Variants in CLEC3B observed in about 807,000 individuals in gnomAD.
CLEC3B encodes C-type lectin domain family 3 member B.
A neutral mutation model predicts 15.4 loss-of-function variants in CLEC3B; 13 were observed. The observed-to-expected ratio is 0.84, with a 90% CI of 0.55 to 1.34. The LOEUF (loss-of-function observed/expected upper bound fraction) is 1.34. CLEC3B is among the 40% of genes most tolerant of loss of function. The probability of loss-of-function intolerance (pLI) is 0.00; values close to 1 mark genes in which losing one functional copy is unlikely to be tolerated. For missense variants in CLEC3B, 242 were observed against 268.6 expected, an observed-to-expected ratio of 0.90 and a Z score of 0.69; for synonymous variants, 112 against 114.7, an observed-to-expected ratio of 0.98 and a Z score of 0.15.
chr3:45,030,730 G>A (rs1576043449), intron 1 of CLEC3B, 97 bp from the exon 2 acceptor site: 1 of 791,264 alleles, frequency 1.3e-6, no homozygotes, highest in Non-Finnish European at 2.1e-6. Context: ...AGATATCAAG[G>A]TTGAGGGGAG....
chr3:45,030,115 G>T, intron 1 of CLEC3B: 2 of 931,052 alleles, frequency 2.1e-6, no homozygotes, highest in Non-Finnish European at 2.6e-6. Context: ...GCATCACATG[G>T]GGTGACATGT....
At chr3:45,035,245 G>T (rs1456152804) in intron 2 of CLEC3B, among the ~76,000 whole-genome samples, 1 of 152,196 alleles carries the variant, frequency 6.6e-6, no homozygotes, top group Admixed American at 6.5e-5. Flanking sequence ...GTCAGCTGGG[G>T]CTGGGTGCTT....
Position 45,035,711 on chromosome 3 carries a change from G to C in CLEC3B, c.396G>C (p.Trp132Cys), listed in dbSNP as rs1468313006. ...RQSVGNEAEI[W>C]LGLNDMAAEG... ...GCGTGGGCAACGAGGCCGAGATCTG[G>C]CTGGGCCTCAACGACATGGCGGCCG... is the stretch of plus-strand genomic sequence containing the variant. Residue 132 changes from tryptophan to cysteine, a missense_variant, in exon 3 of 3, where the codon TGG becomes TGC. Trp to Cys is a radical substitution (Grantham distance 215, BLOSUM62 -2). Coordinates refer to ENST00000296130, the MANE Select transcript of CLEC3B (RefSeq NM_003278.3). 6.2e-7 allele frequency: 1 copy of C among 1,613,786 alleles called. No individual in the cohort carries two copies. Among genetic ancestry groups the C allele is most frequent in the East Asian group, 2.2e-5 (1 of 44,878 alleles).
intron 2 of CLEC3B, among the ~76,000 whole-genome samples, chr3:45,031,956 C>G (rs920864068): frequency 6.6e-6 from 1 of 151,686 alleles, no homozygotes. Context: ...CACGTTAACT[C>G]ATTCACAGCA....
In CLEC3B at chr3:45,035,949, G is replaced by T. The variant is rs762313426; in HGVS notation, c.*25G>T. 6 of 1,550,300 alleles carry T rather than the reference G, an allele frequency of 3.9e-6. No homozygotes were observed. The highest frequency in any genetic ancestry group is 4.4e-6 in the Non-Finnish European group (5 of 1,148,000). ...GCCGGCGGGGCGGGGGCCGTGGGGG[G>T]CCTGGAGGAGGGCAGGGGCCGCGGG... On this transcript the variant is annotated 3_prime_UTR_variant, in exon 3 of 3. Transcript: ENST00000296130.
In CLEC3B at chr3:45,035,918, C is replaced by A. The variant is rs1697638269; in HGVS notation, c.603C>A (p.Ile201=). 3.4e-6 allele frequency: 5 copies of A among 1,479,024 alleles called. No homozygotes were observed. Among genetic ancestry groups the A allele is most frequent in the South Asian group, 3.4e-5 (3 of 88,914 alleles). The allele number at this position is 1,479,024 out of a possible 1,614,324, so 91.6% of individuals were successfully genotyped here. The change falls in exon 3 of 3, where the codon ATC becomes ATA. Residue 201 remains isoleucine, a synonymous_variant. Coordinates refer to ENST00000296130, the MANE Select transcript of CLEC3B (RefSeq NM_003278.3). ...TGCCCTACATCTGCCAGTTCGGGATCGTGTAGCCGGCGGGGCGGGGGCCGT... is the reference window on the plus strand; with the variant it reads ...TGCCCTACATCTGCCAGTTCGGGATAGTGTAGCCGGCGGGGCGGGGGCCGT... ...DQLPYICQFG[I]V
At position 45,035,615 on chromosome 3, in the gene CLEC3B, G is replaced by A. The variant is rs748847581; in HGVS notation, c.300G>A (p.Ser100=). ...ACGAGGCCAGCGAGGACTGCATCTC[G>A]CGCGGGGGCACCCTGGGCACCCCTC... The part of the protein sequence containing the change: ...TFHEASEDCI[S]RGGTLGTPQT... The change falls in exon 3 of 3, where the codon TCG becomes TCA. Residue 100 remains serine, a synonymous_variant. Coordinates refer to ENST00000296130, the MANE Select transcript of CLEC3B (RefSeq NM_003278.3). 2.5e-6 allele frequency: 4 copies of A among 1,614,122 alleles called. No homozygotes were observed. Among genetic ancestry groups the A allele is most frequent in the Non-Finnish European group, 3.4e-6 (4 of 1,180,034 alleles).
chr3:45,031,811 ACAATACT>A (rs1171005287), intron 2 of CLEC3B, among the ~76,000 whole-genome samples: 76 of 151,526 alleles, frequency 5.0e-4, no homozygotes, highest in African/African-American at 1.8e-3. Flanking sequence ...ACACAGACTC[ACAATACT>A]GATGACTATT....
rs1697633593 is a variant in CLEC3B, at chr3:45,035,748, G to A, written c.433G>A (p.Val145Met). 1 of 1,613,666 alleles carries A rather than the reference G, an allele frequency of 6.2e-7. No homozygotes were observed. Among genetic ancestry groups the A allele is most frequent in the African/African-American group, 1.3e-5 (1 of 74,958 alleles). ...LNDMAAEGTW[V>M]DMTGARIAYK... ...CGACATGGCGGCCGAGGGCACCTGGGTGGACATGACCGGCGCCCGCATCGC... is the reference window on the plus strand; with the variant it reads ...CGACATGGCGGCCGAGGGCACCTGGATGGACATGACCGGCGCCCGCATCGC... Residue 145 changes from valine to methionine, a missense_variant, in exon 3 of 3, where the codon GTG becomes ATG. Physicochemically the swap from Val to Met is conservative, Grantham distance 21. Transcript: ENST00000296130.
intron 2 of CLEC3B, among the ~76,000 whole-genome samples, chr3:45,033,097 C>T (rs931517645): frequency 1.3e-5 from 2 of 152,158 alleles, no homozygotes; most frequent in Admixed American, 1.3e-4. Flanking sequence ...CCTGGCACAG[C>T]GGGTATGTTT....
At position 45,035,860 on chromosome 3, in the gene CLEC3B, G is replaced by T; in HGVS notation, c.545G>T (p.Gly182Val). Residue 182 changes from glycine to valine, a missense_variant, in exon 3 of 3, where the codon GGC (glycine) becomes GTC (valine). Gly to Val is a moderately radical substitution (Grantham distance 109). Coordinates refer to ENST00000296130, the MANE Select transcript of CLEC3B (RefSeq NM_003278.3). ...GCGGTCCTGTCAGGCGCGGCCAACG[G>T]CAAGTGGTTCGACAAGCGCTGCCGC... ...NCAVLSGAANGKWFDKRCRDQ... is the reference protein window; with the variant it reads ...NCAVLSGAANVKWFDKRCRDQ... 1.2e-6 allele frequency: 2 copies of T among 1,612,368 alleles called. No individual in the cohort carries two copies. The highest frequency in any genetic ancestry group is 1.7e-6 in the Non-Finnish European group (2 of 1,179,744).
At chr3:45,029,061 A>G (rs66625825) in intron 1 of CLEC3B, among the ~76,000 whole-genome samples, 72,255 of 151,838 alleles carry the variant, frequency 0.48, 17,873 homozygotes, top group East Asian at 0.86. Flanking sequence ...ATCACGCAGA[A>G]GGAACCTGAG....
At chr3:45,030,698 T>C (rs975154324) in intron 1 of CLEC3B, 129 bp from the exon 2 acceptor site, 2 of 657,618 alleles carry the variant, frequency 3.0e-6, no homozygotes, top group Non-Finnish European at 5.4e-6. Flanking sequence ...CCAGCAAGGA[T>C]AGAGAGAGAG....
At chr3:45,030,793 C>A (rs2125979982) in intron 1 of CLEC3B, 34 bp from the exon 2 acceptor site, 1 of 1,474,444 alleles carries the variant, frequency 6.8e-7, no homozygotes. Flanking sequence ...TGCTCAGTCC[C>A]TGCCCCACCC....
chr3:45,031,105 GAC>G (rs1697547644), intron 2 of CLEC3B, among the ~76,000 whole-genome samples, 180 bp downstream of exon 2: 1 of 152,252 alleles, frequency 6.6e-6, no homozygotes, highest in South Asian at 2.1e-4. Context: ...GAGATCCCCT[GAC>G]ACGTGTCTGC....
chr3:45,035,432 G>C, intron 2 of CLEC3B, 92 bp from the exon 3 acceptor site: 1 of 1,497,708 alleles, frequency 6.7e-7, no homozygotes, highest in Non-Finnish European at 8.9e-7. Flanking sequence ...AAACGGGATG[G>C]GATGGAGGAC....
At chr3:45,030,692 CAAGG>C (rs1697541083) in intron 1 of CLEC3B, 131 bp from the exon 2 acceptor site, 8 of 636,836 alleles carry the variant, frequency 1.3e-5, no homozygotes, top group Non-Finnish European at 1.9e-5. Flanking sequence ...CTACCACCAG[CAAGG>C]ATAGAGAGAG....
chr3:45,026,510 A>T, intron 1 of CLEC3B, 39 bp downstream of exon 1: 1 of 1,557,398 alleles, frequency 6.4e-7, no homozygotes, highest in Non-Finnish European at 8.8e-7. Flanking sequence ...TCTTCCAGGG[A>T]GCAGGTCCCC....
intron 1 of CLEC3B, among the ~76,000 whole-genome samples, chr3:45,029,818 C>A (rs774959529): frequency 6.6e-6 from 1 of 152,190 alleles, no homozygotes; most frequent in Non-Finnish European, 1.5e-5. Flanking sequence ...CTTCCCGGCA[C>A]CCTCAACTTA....
Sources: allele counts gnomAD v4.1 joint callset (sites outside exome capture counted in the v4.1 genomes callset), GRCh38; gene constraint gnomAD v4.1.1; transcripts MANE v1.5; gene names NCBI Gene and HGNC (gene_info 2026-07-23, HGNC 2026-07-21).